The following PHC2 variants were observed in gnomAD, a reference collection of about 807,000 sequenced individuals.
PHC2 encodes polyhomeotic homolog 2, also known as polyhomeotic-like protein 2.
PHC2 carries 29 observed loss-of-function variants against 87.4 expected under a neutral mutation model. The observed-to-expected ratio is 0.33, with a 90% CI of 0.25 to 0.45. The LOEUF (loss-of-function observed/expected upper bound fraction) is 0.45, where lower values mean the gene tolerates loss of function less well. Among genes scored for constraint, PHC2 ranks in the 20% least tolerant of loss-of-function variants. The pLI, the probability that PHC2 is intolerant of heterozygous loss-of-function variation, is 1.00. For synonymous variants in PHC2, 438 were observed against 461.7 expected, an observed-to-expected ratio of 0.95 and a Z score of 0.66; for missense variants, 857 against 1,136.7, an observed-to-expected ratio of 0.75 and a Z score of 3.54.
At chr1:33,346,106 T>A (rs1482787403) in intron 9 of PHC2, 1 of 985,256 alleles carries the variant, frequency 1.0e-6, no homozygotes, top group Non-Finnish European at 1.2e-6. Context: ...TTGGGTTCCA[T>A]GAAACAAGGT....
chr1:33,424,117 A>G (rs374048650), intron 1 of PHC2, among the ~76,000 whole-genome samples: 1 of 148,162 alleles, frequency 6.7e-6, no homozygotes, highest in East Asian at 1.9e-4. Flanking sequence ...AAAAACAAAA[A>G]AAACAAAAAA....
At chr1:33,407,849 T>C (rs1052595493) in intron 1 of PHC2, among the ~76,000 whole-genome samples, 17 of 152,224 alleles carry the variant, frequency 1.1e-4, no homozygotes, top group Admixed American at 3.9e-4. Context: ...ATGTGTTTCA[T>C]AGAAATAGAT....
At chr1:33,400,346 ATTGT>A (rs1228774342) in intron 1 of PHC2, among the ~76,000 whole-genome samples, 1 of 152,234 alleles carries the variant, frequency 6.6e-6, no homozygotes, top group Non-Finnish European at 1.5e-5. Context: ...TCACCACTGC[ATTGT>A]TTGTCATAGC....
chr1:33,402,527 C>T (rs747016870), intron 1 of PHC2, among the ~76,000 whole-genome samples: 7 of 151,716 alleles, frequency 4.6e-5, no homozygotes, highest in Non-Finnish European at 1.0e-4. Context: ...AAGCAAAAAA[C>T]CAAAAAACTG....
intron 1 of PHC2, among the ~76,000 whole-genome samples, chr1:33,421,456 A>G (rs1278972070): frequency 6.6e-6 from 1 of 152,206 alleles, no homozygotes; most frequent in Non-Finnish European, 1.5e-5. Context: ...GGAACTTATT[A>G]AATGATTAGA....
At chr1:33,408,098 T>C (rs1403128988) in intron 1 of PHC2, among the ~76,000 whole-genome samples, 2 of 152,210 alleles carry the variant, frequency 1.3e-5, no homozygotes, top group East Asian at 1.9e-4. Context: ...TGTAAGAAAA[T>C]TTAAAAAATT....
chr1:33,412,664 C>T (rs1043136021), intron 1 of PHC2, among the ~76,000 whole-genome samples: 1 of 152,134 alleles, frequency 6.6e-6, no homozygotes, highest in Non-Finnish European at 1.5e-5. Context: ...CCTATCTAGC[C>T]CCTACCCTAA....
At chr1:33,359,429 C>T (rs920770181) in intron 7 of PHC2, among the ~76,000 whole-genome samples, 9 of 152,150 alleles carry the variant, frequency 5.9e-5, no homozygotes, top group African/African-American at 2.2e-4. Context: ...TGTTACCTGG[C>T]CTACCAGCAA....
intron 9 of PHC2, among the ~76,000 whole-genome samples, chr1:33,338,255 C>A (rs971402357): frequency 6.6e-6 from 1 of 152,222 alleles, no homozygotes; most frequent in Non-Finnish European, 1.5e-5. Context: ...ATGCTTAACT[C>A]TGGGAAGCAA....
rs370808998 is a variant in PHC2, at chr1:33,347,055, A to C, written c.1558+7346T>G. 8.1e-6 allele frequency: 8 copies of C among 985,482 alleles called. No individual in the cohort carries two copies. In the African/African-American group the frequency reaches 1.2e-4, roughly 15 times the overall value. The allele number at this position is 985,482 out of a possible 1,614,324, so 61.0% of individuals were successfully genotyped here. On this transcript the variant is annotated intron_variant, in intron 9 of 14. Transcript: ENST00000683057. ...CTCTCCCCCTGAAAGATCAGAACCAAGGGATCCAAAGTATCTGAGACAGGA... is the reference window on the plus strand; with the variant it reads ...CTCTCCCCCTGAAAGATCAGAACCACGGGATCCAAAGTATCTGAGACAGGA...
chr1:33,372,931 C>T (rs991102025), intron 2 of PHC2, among the ~76,000 whole-genome samples: 2 of 152,240 alleles, frequency 1.3e-5, no homozygotes, highest in African/African-American at 4.8e-5. Flanking sequence ...GCTTCAGCAA[C>T]AGCCAGCCAC....
chr1:33,400,288 A>G (rs956289596), intron 1 of PHC2, among the ~76,000 whole-genome samples: 1 of 152,256 alleles, frequency 6.6e-6, no homozygotes, highest in Non-Finnish European at 1.5e-5. Context: ...GTTTGCACTC[A>G]GGGATACACA....
chr1:33,360,941 G>A (rs1647183065), intron 7 of PHC2, among the ~76,000 whole-genome samples: 1 of 152,226 alleles, frequency 6.6e-6, no homozygotes, highest in Non-Finnish European at 1.5e-5. Context: ...TGATGGCCAA[G>A]TGAATAACAG....
rs1273970347 is a variant in PHC2 at position 33,349,921 on chromosome 1, G to T, written c.1558+4480C>A. The T allele has an allele frequency of 3.1e-6, 3 of 955,160 alleles. No individual in the cohort carries two copies. Among genetic ancestry groups the T allele is most frequent in the Admixed American group, 6.3e-5 (1 of 15,894 alleles). 59.2% of individuals were successfully genotyped at this position (955,160 alleles called of 1,614,324 possible). ...ATGCGGCGAGTCTGGGACGGCTCCC[G>T]CGGCCGCCTCCGCCGGGGGCGGGGC... On this transcript the variant is annotated intron_variant, in intron 9 of 14. Transcript: ENST00000683057. This position sits in a 1 kb window ranked among gnomAD's most constrained non-coding sequence, Gnocchi z 4.2.
At chr1:33,363,714 A>G (rs1374174293) in intron 7 of PHC2, 21 of 980,898 alleles carry the variant, frequency 2.1e-5, no homozygotes, top group Non-Finnish European at 2.3e-5. Context: ...TATCCCTCCC[A>G]GTCAGCAACT....
Position 33,355,150 on chromosome 1 carries a change from C to A in PHC2, c.1080G>T (p.Gln360His). The change falls in exon 8 of 15, where the codon CAG becomes CAT. Residue 360 changes from glutamine (Q) to histidine (H), a missense_variant. Physicochemically the swap from Gln to His is conservative, Grantham distance 24 (BLOSUM62 0). Transcript: ENST00000683057. ...IQQQPQPQQQ[Q>H]PPPQQSRPVL... ...CAGGCCGTGACTGCTGGGGCGGCGGCTGCTGCTGTTGTGGCTGTGGCTGCT... is the reference window on the plus strand; with the variant it reads ...CAGGCCGTGACTGCTGGGGCGGCGGATGCTGCTGTTGTGGCTGTGGCTGCT... The A allele has an allele frequency of 6.2e-7, 1 of 1,608,664 alleles. No homozygotes were observed. Among genetic ancestry groups the A allele is most frequent in the East Asian group, 2.2e-5 (1 of 44,834 alleles).
intron 1 of PHC2, among the ~76,000 whole-genome samples, chr1:33,405,919 CT>C (rs1649743236): frequency 6.6e-6 from 1 of 152,158 alleles, no homozygotes; most frequent in South Asian, 2.1e-4. Context: ...ATAGAGTCAA[CT>C]TTTATAACTG....
At position 33,356,827 on chromosome 1, in the gene PHC2, C is replaced by T. The variant is rs547245650; in HGVS notation, c.977-1574G>A. On this transcript the variant is annotated intron_variant, in intron 7 of 14. Coordinates refer to ENST00000683057, the MANE Select transcript of PHC2 (RefSeq NM_001385109.1). ...TGGGTACACCTCCCAGACGGGGTGG[C>T]GGCCGGGCAGAGAGGCTCCTCACTT... is the stretch of plus-strand genomic sequence containing the variant. Among the ~76,000 whole-genome samples, 664 of 152,284 alleles carry T rather than the reference C, an allele frequency of 4.4e-3. 5 individuals carry two copies. The highest frequency in any genetic ancestry group is 5.0e-3 in the Non-Finnish European group (343 of 68,026).
chr1:33,364,760 T>C lies in PHC2; in HGVS notation c.976+2356A>G. Among the ~76,000 whole-genome samples the C allele has an allele frequency of 6.6e-6, 1 of 152,064 alleles. No individual in the cohort carries two copies. The highest frequency in any genetic ancestry group is 1.9e-4 in the East Asian group (1 of 5,180). On this transcript the variant is annotated intron_variant, in intron 7 of 14. Coordinates refer to ENST00000683057, the MANE Select transcript of PHC2 (RefSeq NM_001385109.1). This position sits in a 1 kb window ranked among gnomAD's most constrained non-coding sequence, Gnocchi z 4.1. ...GCAGGAACAATGCAGGCCCACTGCT[T>C]TGTGTCTCTGGGGAGAGGTTCTTTG...
Sources: allele counts gnomAD v4.1 joint callset (sites outside exome capture counted in the v4.1 genomes callset), GRCh38; gene constraint gnomAD v4.1.1; non-coding constraint Gnocchi (gnomAD v3.1); transcripts MANE v1.5; gene names NCBI Gene and HGNC (gene_info 2026-07-23, HGNC 2026-07-21).